NXPH1: variants seen among roughly 807,000 people sequenced by gnomAD.
The protein encoded by NXPH1 is neurexophilin 1.
In NXPH1, 5 loss-of-function variants were observed where a neutral mutation model predicts 23.7. That is an observed-to-expected ratio of 0.21 (90% confidence interval 0.11 to 0.44). NXPH1 has a LOEUF of 0.44. Among genes scored for constraint, NXPH1 ranks in the 20% least tolerant of loss-of-function variants. The probability of loss-of-function intolerance (pLI) is 0.99; values close to 1 mark genes in which losing one functional copy is unlikely to be tolerated. For missense variants in NXPH1, 324 were observed against 321.6 expected, an observed-to-expected ratio of 1.01 and a Z score of -0.06; for synonymous variants, 144 against 122.2, an observed-to-expected ratio of 1.18 and a Z score of -1.18.
At chr7:8,584,433 C>T (rs1055885359) in intron 2 of NXPH1, among the ~76,000 whole-genome samples, 1 of 152,138 alleles carries the variant, frequency 6.6e-6, no homozygotes, top group Non-Finnish European at 1.5e-5. Context: ...AACAAATATG[C>T]ATGCATATTT....
At chr7:8,583,168 A>T (rs1015367584) in intron 2 of NXPH1, among the ~76,000 whole-genome samples, 2 of 152,018 alleles carry the variant, frequency 1.3e-5, no homozygotes, top group African/African-American at 4.8e-5. Context: ...TATAATGAGG[A>T]CTCCCATCCT....
intron 2 of NXPH1, among the ~76,000 whole-genome samples, chr7:8,728,837 G>A (rs1353717790): frequency 6.6e-6 from 1 of 152,164 alleles, no homozygotes; most frequent in Non-Finnish European, 1.5e-5. Flanking sequence ...TTGGTATCAG[G>A]ATGATGCTGG....
chr7:8,591,129 G>C (rs752464795), intron 2 of NXPH1, among the ~76,000 whole-genome samples: 1 of 152,050 alleles, frequency 6.6e-6, no homozygotes, highest in Non-Finnish European at 1.5e-5. Flanking sequence ...ACCAAAGAAG[G>C]ATAATAAAAC....
At chr7:8,471,370 A>G (rs138488584) in intron 2 of NXPH1, among the ~76,000 whole-genome samples, 244 of 152,330 alleles carry the variant, frequency 1.6e-3, no homozygotes, top group African/African-American at 5.6e-3. Context: ...TATCATTAAC[A>G]TAGAAGATAT....
At chr7:8,506,680 A>C (rs550180740) in intron 2 of NXPH1, among the ~76,000 whole-genome samples, 57 of 152,188 alleles carry the variant, frequency 3.7e-4, no homozygotes, top group African/African-American at 1.3e-3. Context: ...AGTTTTACTG[A>C]AGGAGGTGAT....
chr7:8,489,567 A>T (rs745703713), intron 2 of NXPH1, among the ~76,000 whole-genome samples: 9 of 151,998 alleles, frequency 5.9e-5, no homozygotes, highest in Non-Finnish European at 1.0e-4. Context: ...CATTCATGAG[A>T]CCCTGGGCTG....
At chr7:8,518,518 G>C (rs1439533321) in intron 2 of NXPH1, among the ~76,000 whole-genome samples, 1 of 152,202 alleles carries the variant, frequency 6.6e-6, no homozygotes, top group East Asian at 1.9e-4. Context: ...ATAGAGGCAG[G>C]TCTTGCTGTG....
At chr7:8,563,747 T>A (rs1818490857) in intron 2 of NXPH1, among the ~76,000 whole-genome samples, 1 of 151,726 alleles carries the variant, frequency 6.6e-6, no homozygotes, top group Admixed American at 6.6e-5. Context: ...CTTTATCTTT[T>A]TACCTGGAGT....
At chr7:8,714,126 G>C (rs1390740052) in intron 2 of NXPH1, among the ~76,000 whole-genome samples, 1 of 152,202 alleles carries the variant, frequency 6.6e-6, no homozygotes, top group East Asian at 1.9e-4. Context: ...AACTACTGCA[G>C]CTGAGCTGGT....
At chr7:8,498,019 G>A (rs940515442) in intron 2 of NXPH1, among the ~76,000 whole-genome samples, 1 of 152,066 alleles carries the variant, frequency 6.6e-6, no homozygotes, top group Non-Finnish European at 1.5e-5. Flanking sequence ...TATAGCAGTA[G>A]TATTAAAACT....
At chr7:8,564,077 C>T (rs535458083) in intron 2 of NXPH1, among the ~76,000 whole-genome samples, 9 of 151,898 alleles carry the variant, frequency 5.9e-5, no homozygotes, top group African/African-American at 1.9e-4. Context: ...AATCCTTCCT[C>T]TTGTCCCCAG....
intron 2 of NXPH1, among the ~76,000 whole-genome samples, chr7:8,510,588 T>C (rs1245199257): frequency 6.6e-6 from 1 of 152,140 alleles, no homozygotes; most frequent in East Asian, 1.9e-4. Context: ...AGGAATATTA[T>C]ATTTTGGTTT....
chr7:8,473,736 T>C (rs1276676649), intron 2 of NXPH1, among the ~76,000 whole-genome samples: 1 of 133,276 alleles, frequency 7.5e-6, no homozygotes, highest in African/African-American at 2.8e-5. Context: ...ATGCTGTGTG[T>C]GTTTTTTTTT....
At chr7:8,544,858 A>T (rs1242358163) in intron 2 of NXPH1, among the ~76,000 whole-genome samples, 4 of 151,624 alleles carry the variant, frequency 2.6e-5, no homozygotes, top group Admixed American at 2.6e-4. Flanking sequence ...GAAAATGTAA[A>T]TACATATAGT....
chr7:8,573,355 T>A (rs1353218908), intron 2 of NXPH1, among the ~76,000 whole-genome samples: 1 of 152,120 alleles, frequency 6.6e-6, no homozygotes, highest in African/African-American at 2.4e-5. Flanking sequence ...AGAAGTAAAT[T>A]TTGGGAATTA....
chr7:8,674,372 C>G (rs1038305267), intron 2 of NXPH1, among the ~76,000 whole-genome samples: 1 of 152,114 alleles, frequency 6.6e-6, no homozygotes, highest in Non-Finnish European at 1.5e-5. Flanking sequence ...TTGTTTCTCT[C>G]AAAGTATATT....
chr7:8,524,136 G>A (rs1322356721), intron 2 of NXPH1, among the ~76,000 whole-genome samples: 2 of 150,900 alleles, frequency 1.3e-5, no homozygotes, highest in African/African-American at 4.9e-5. Flanking sequence ...CAGCTACTCA[G>A]GAGGTCGAGG....
intron 2 of NXPH1, among the ~76,000 whole-genome samples, chr7:8,675,099 G>C (rs1288680143): frequency 6.6e-6 from 1 of 152,070 alleles, no homozygotes; most frequent in Non-Finnish European, 1.5e-5. Flanking sequence ...CTTGTGTGTT[G>C]CTGAGAGAAT....
At chr7:8,512,709 G>A (rs1817630765) in intron 2 of NXPH1, among the ~76,000 whole-genome samples, 2 of 152,006 alleles carry the variant, frequency 1.3e-5, no homozygotes, top group African/African-American at 2.4e-5. Flanking sequence ...TCTTACTAAC[G>A]GTAACAAATA....
Sources: gnomAD v4.1 joint callset for allele counts (sites outside exome capture counted in the v4.1 genomes callset) on GRCh38, gnomAD v4.1.1 for gene constraint, MANE v1.5 for transcripts, NCBI Gene and HGNC (gene_info 2026-07-23, HGNC 2026-07-21) for gene names.